PELI2: variants seen among roughly 807,000 people sequenced by gnomAD.
PELI2 encodes the protein E3 ubiquitin-protein ligase pellino homolog 2.
A neutral mutation model predicts 42.3 loss-of-function variants in PELI2; 23 were observed. The observed-to-expected ratio is 0.54, with a 90% CI of 0.39 to 0.77. PELI2 has a LOEUF of 0.77. Ranked by LOEUF, PELI2 falls within the 30% of genes least tolerant of loss-of-function variation. PELI2 has a pLI of 0.00. For synonymous variants in PELI2, 245 were observed against 212.2 expected (o/e 1.15, Z -1.34); for missense variants, 463 against 553.2 (o/e 0.84, Z 1.64).
chr14:56,132,448 T>C (rs1485158987), intron 1 of PELI2, among the ~76,000 whole-genome samples: 2 of 152,208 alleles, frequency 1.3e-5, no homozygotes, highest in African/African-American at 2.4e-5. Flanking sequence ...ACAGTGGAAA[T>C]GCTGGAGAGT....
intron 1 of PELI2, among the ~76,000 whole-genome samples, chr14:56,171,055 A>G (rs550406182): frequency 3.9e-5 from 6 of 152,238 alleles, no homozygotes; most frequent in African/African-American, 1.4e-4. Flanking sequence ...ACCTTCTTTC[A>G]TGGGACAGTA....
chr14:56,119,619 T>G, intron 1 of PELI2: 2 of 223,134 alleles, frequency 9.0e-6, no homozygotes, highest in Non-Finnish European at 1.5e-5. Flanking sequence ...AGTTTCCTTG[T>G]GACATTTCTA....
At chr14:56,178,604 T>A in intron 2 of PELI2, 140 bp downstream of exon 2, 1 of 971,246 alleles carries the variant, frequency 1.0e-6, no homozygotes, top group Non-Finnish European at 1.6e-6. Context: ...TGCTTTGTTG[T>A]GAGGGGCTGT....
intron 2 of PELI2, among the ~76,000 whole-genome samples, chr14:56,206,558 G>A (rs1288914728): frequency 1.3e-5 from 2 of 152,080 alleles, no homozygotes; most frequent in Non-Finnish European, 2.9e-5. Context: ...TCCATTAAAA[G>A]CCACTTTGTT....
chr14:56,205,836 G>A (rs147317722), intron 2 of PELI2, among the ~76,000 whole-genome samples: 118 of 152,224 alleles, frequency 7.8e-4, no homozygotes, highest in African/African-American at 2.7e-3. Context: ...GTTGGAGATA[G>A]GAAGTAATTG....
intron 1 of PELI2, among the ~76,000 whole-genome samples, chr14:56,166,879 C>G (rs1182284330): frequency 6.6e-6 from 1 of 152,202 alleles, no homozygotes; most frequent in Admixed American, 6.5e-5. Context: ...GCTCCATCTC[C>G]TGGGTTCACG....
chr14:56,189,239 TG>T, intron 2 of PELI2, among the ~76,000 whole-genome samples: 1 of 152,348 alleles, frequency 6.6e-6, no homozygotes, highest in Middle Eastern at 3.4e-3. Flanking sequence ...GAAATCTCAG[TG>T]AGTTGACAGC....
chr14:56,284,692 A>T (rs1252266473), intron 3 of PELI2, among the ~76,000 whole-genome samples: 1 of 152,230 alleles, frequency 6.6e-6, no homozygotes, highest in African/African-American at 2.4e-5. Context: ...GTACATGAGC[A>T]TGCATGTGCA....
At chr14:56,247,420 G>A (rs895224786) in intron 2 of PELI2, among the ~76,000 whole-genome samples, 1 of 152,156 alleles carries the variant, frequency 6.6e-6, no homozygotes, top group Non-Finnish European at 1.5e-5. Context: ...AGTGGTGCAG[G>A]GGACTGCTTG....
At chr14:56,259,717 C>T (rs754873866) in intron 2 of PELI2, among the ~76,000 whole-genome samples, 1 of 152,054 alleles carries the variant, frequency 6.6e-6, no homozygotes, top group African/African-American at 2.4e-5. Flanking sequence ...TATGATTATG[C>T]ACATAGAAAA....
At chr14:56,275,933 C>T (rs1213125642) in intron 2 of PELI2, among the ~76,000 whole-genome samples, 1 of 152,180 alleles carries the variant, frequency 6.6e-6, no homozygotes, top group African/African-American at 2.4e-5. Flanking sequence ...AAAGACCCTA[C>T]CTGCTCTCCT....
chr14:56,273,913 A>C lies in PELI2; in HGVS notation c.208-5763A>C, dbSNP rs1401327673. ...GTTCCACGTTTGATTCAGCATCTCA[A>C]AGATGTCAGGGCTCTGAGCCAACTT... On this transcript the variant is annotated intron_variant, in intron 2 of 5. Coordinates refer to ENST00000267460, the MANE Select transcript of PELI2 (RefSeq NM_021255.3). The surrounding 1 kb of genome is among the most constrained non-coding windows in gnomAD (Gnocchi z 4.3). Among the ~76,000 whole-genome samples the C allele has an allele frequency of 6.6e-6, 1 of 152,234 alleles. No individual in the cohort carries two copies. Among genetic ancestry groups the C allele is most frequent in the Non-Finnish European group, 1.5e-5 (1 of 68,032 alleles).
intron 1 of PELI2, among the ~76,000 whole-genome samples, chr14:56,135,630 T>C (rs749950497): frequency 2.8e-4 from 42 of 152,332 alleles, no homozygotes; most frequent in Non-Finnish European, 5.1e-4. Context: ...TATTATTAAA[T>C]TGAAAACAGC....
At chr14:56,229,677 A>G (rs1447979618) in intron 2 of PELI2, among the ~76,000 whole-genome samples, 2 of 152,222 alleles carry the variant, frequency 1.3e-5, no homozygotes, top group Non-Finnish European at 2.9e-5. Context: ...TCTAAAAACC[A>G]GAGTGCCTCT....
chr14:56,236,851 T>C (rs1055727574), intron 2 of PELI2, among the ~76,000 whole-genome samples: 2 of 152,202 alleles, frequency 1.3e-5, no homozygotes, highest in African/African-American at 4.8e-5. Flanking sequence ...TGGAGGTGCA[T>C]GGATCTCTCC....
At chr14:56,211,686 T>C (rs542614543) in intron 2 of PELI2, among the ~76,000 whole-genome samples, 1 of 152,316 alleles carries the variant, frequency 6.6e-6, no homozygotes, top group African/African-American at 2.4e-5. Flanking sequence ...AGAAATTTCA[T>C]TATAAAAGTA....
chr14:56,163,586 AT>A (rs566978200), intron 1 of PELI2, among the ~76,000 whole-genome samples: 43 of 149,202 alleles, frequency 2.9e-4, no homozygotes, highest in Non-Finnish European at 4.3e-4. Flanking sequence ...ACTTTTTAGG[AT>A]TTTTTTTTTC....
intron 1 of PELI2, among the ~76,000 whole-genome samples, chr14:56,165,525 G>A (rs543091588): frequency 9.4e-4 from 143 of 152,272 alleles, no homozygotes; most frequent in Non-Finnish European, 1.5e-3. Context: ...CCTTGAGAAT[G>A]ATCCATGTGC....
chr14:56,222,495 C>A (rs1275221493), intron 2 of PELI2, among the ~76,000 whole-genome samples: 2 of 152,212 alleles, frequency 1.3e-5, no homozygotes, highest in Non-Finnish European at 2.9e-5. Flanking sequence ...CTGTCTGAAA[C>A]CCTTCATGTA....
Sources: gnomAD v4.1 joint callset for allele counts (sites outside exome capture counted in the v4.1 genomes callset) on GRCh38, gnomAD v4.1.1 for gene constraint, Gnocchi (gnomAD v3.1) non-coding constraint, MANE v1.5 for transcripts, NCBI Gene and HGNC (gene_info 2026-07-23, HGNC 2026-07-21) for gene names.